ABCA3: variants seen among roughly 807,000 people sequenced by gnomAD.
The protein encoded by ABCA3 is phospholipid-transporting ATPase ABCA3.
A neutral mutation model predicts 172.8 loss-of-function variants in ABCA3; 88 were observed. The observed-to-expected ratio is 0.51, with a 90% CI of 0.43 to 0.61. ABCA3 has a LOEUF of 0.61. Among genes scored for constraint, ABCA3 ranks in the 20% least tolerant of loss-of-function variants. The pLI is 0.00. For missense variants in ABCA3, 2,164 were observed against 2,301.0 expected, an observed-to-expected ratio of 0.94 and a Z score of 1.22; for synonymous variants, 1,066 against 983.8, an observed-to-expected ratio of 1.08 and a Z score of -1.56.
Position 2,295,694 on chromosome 16 carries a change from C to G in ABCA3, c.2310G>C (p.Pro770=), listed in dbSNP as rs376037988. ...MTLVKEPHCN[P]EDISQLVHHH... is the part of the protein sequence containing the mutation. ...GGTGGACCAGCTGGGAGATGTCTTC[C>G]GGGTTGCAGTGCGGCTCCTTCACCA... Residue 770 remains proline (P), a synonymous_variant, in exon 18 of 33, where the codon CCG becomes CCC. Coordinates refer to ENST00000301732, the MANE Select transcript of ABCA3 (RefSeq NM_001089.3). 3.1e-6 allele frequency: 5 copies of G among 1,613,922 alleles called. No homozygotes were observed. In the African/African-American group the frequency reaches 6.7e-5, roughly 22 times the overall value.
intron 19 of ABCA3, 74 bp downstream of exon 19, chr16:2,292,066 T>A: frequency 8.3e-7 from 1 of 1,204,352 alleles, no homozygotes; most frequent in Non-Finnish European, 1.2e-6. Flanking sequence ...AGAGTGAAAC[T>A]CCATCTCAAA....
chr16:2,315,825 G>C (rs2093714439), intron 10 of ABCA3, among the ~76,000 whole-genome samples: 1 of 149,596 alleles, frequency 6.7e-6, no homozygotes, highest in Non-Finnish European at 1.5e-5. Flanking sequence ...CACCACACCT[G>C]GCTAATTTTT....
In ABCA3 at chr16:2,297,215, G is replaced by A; in HGVS notation, c.2263+114C>T. The A allele has an allele frequency of 1.7e-6, 2 of 1,186,844 alleles. No homozygotes were observed. Among genetic ancestry groups the A allele is most frequent in the Admixed American group, 2.0e-5 (1 of 51,180 alleles). The allele number at this position is 1,186,844 out of a possible 1,614,324, so 73.5% of individuals were successfully genotyped here. On this transcript the variant is annotated intron_variant, in intron 17 of 32. Coordinates refer to ENST00000301732, the MANE Select transcript of ABCA3 (RefSeq NM_001089.3). The surrounding 1 kb of genome is among the most constrained non-coding windows in gnomAD (Gnocchi z 5.6). ...TCCACCCAGAGGCAACAGACAGGAA[G>A]TCTAGAAAAGGCCACCCCTGCCTGA...
chr16:2,318,744 C>T (rs1340878621), intron 8 of ABCA3, among the ~76,000 whole-genome samples: 1 of 152,048 alleles, frequency 6.6e-6, no homozygotes, highest in Non-Finnish European at 1.5e-5. Context: ...AACTCCTCAC[C>T]TCAAGTGATC....
chr16:2,314,041 G>A (rs775113669), intron 10 of ABCA3, among the ~76,000 whole-genome samples: 15 of 152,168 alleles, frequency 9.9e-5, no homozygotes, highest in Non-Finnish European at 2.2e-4. Context: ...CTGCTGGTGG[G>A]AATGCGCACC....
At chr16:2,321,580 G>T (rs141196128) in intron 7 of ABCA3, among the ~76,000 whole-genome samples, 7 of 152,094 alleles carry the variant, frequency 4.6e-5, no homozygotes. Flanking sequence ...ACCTGCAGTG[G>T]GGTCTTTCTT....
intron 1 of ABCA3, among the ~76,000 whole-genome samples, chr16:2,336,597 ATTTTTT>A (rs11284766): frequency 3.9e-5 from 4 of 101,324 alleles, no homozygotes; most frequent in African/African-American, 8.4e-5. Context: ...CGCCCAGCTA[ATTTTTT>A]TTTTTTTTTT....
intron 7 of ABCA3, among the ~76,000 whole-genome samples, chr16:2,322,818 C>T (rs980316417): frequency 1.3e-5 from 2 of 151,952 alleles, no homozygotes; most frequent in African/African-American, 4.8e-5. Flanking sequence ...TCTAATTAAA[C>T]TCAAGAGCTT....
In ABCA3 at chr16:2,297,585, CG is replaced by C. The variant is rs763067701; in HGVS notation, c.2053-47del. ...TCGCGACGCTGGTAGAGCCACACCC[CG>C]GGCCCAGGCTGGCCTTGCGGTAGGC... On this transcript the variant is annotated intron_variant, in intron 16 of 32. Coordinates refer to ENST00000301732, the MANE Select transcript of ABCA3 (RefSeq NM_001089.3). This position sits in a 1 kb window ranked among gnomAD's most constrained non-coding sequence, Gnocchi z 5.6. 6.2e-7 allele frequency: 1 copy of C among 1,606,736 alleles called. No individual in the cohort carries two copies. Among genetic ancestry groups the C allele is most frequent in the South Asian group, 1.1e-5 (1 of 90,906 alleles).
Position 2,278,880 on chromosome 16 carries a change from C to G in ABCA3, c.4547+63G>C, listed in dbSNP as rs1261744486. The G allele has an allele frequency of 3.1e-6, 5 of 1,608,480 alleles. No individual in the cohort carries two copies. In the Admixed American group the frequency reaches 8.3e-5, roughly 27 times the overall value. ...CTGACCTGAGCGGTCACTCCCAGCT[C>G]TATGCTATGGGGACCTTGATTCTGA... On this transcript the variant is annotated intron_variant, in intron 29 of 32. Transcript: ENST00000301732. This position sits in a 1 kb window ranked among gnomAD's most constrained non-coding sequence, Gnocchi z 4.4.
chr16:2,297,824 A>G lies in ABCA3; in HGVS notation c.1994T>C (p.Leu665Pro), dbSNP rs1235929160. 1.2e-6 allele frequency: 2 copies of G among 1,613,620 alleles called. No individual in the cohort carries two copies. The highest frequency in any genetic ancestry group is 1.3e-5 in the African/African-American group (1 of 74,946). ...GAGCTTGCGCCTCATGCCCCCGCTC[A>G]GGAAGCGGCTCCGTGAGTTCCACTT... ...EDKWNSRSRF[L>P]SGGMRRKLSI... is the part of the protein sequence containing the mutation. Residue 665 changes from leucine (L) to proline (P), a missense_variant, in exon 16 of 33, where the codon CTG (leucine) becomes CCG (proline). This residue lies in a region of ABCA3 where 1,343 missense variants were observed against 1,369.6 expected (regional missense o/e 0.98). Transcript: ENST00000301732. This position sits in a 1 kb window ranked among gnomAD's most constrained non-coding sequence, Gnocchi z 5.6.
chr16:2,298,849 T>C (rs917342841), intron 14 of ABCA3, among the ~76,000 whole-genome samples: 1 of 152,028 alleles, frequency 6.6e-6, no homozygotes, highest in Non-Finnish European at 1.5e-5. Context: ...GCCAGACACT[T>C]TGGTGCTTGG....
Position 2,308,534 on chromosome 16 carries a change from G to T in ABCA3, c.1201C>A (p.Leu401Met). ...FVAPRYNWMT[L>M]SQKLCSCLLS... ...AGGCAGGAGCAGAGCTTCTGGCTCAGAGTCATCCAGTTGTACCGAGGGGCC... is the reference window on the plus strand; with the variant it reads ...AGGCAGGAGCAGAGCTTCTGGCTCATAGTCATCCAGTTGTACCGAGGGGCC... Residue 401 changes from leucine to methionine, a missense_variant, in exon 11 of 33, where the codon CTG becomes ATG. By Grantham distance (15) the Leu-to-Met change is conservative. Coordinates refer to ENST00000301732, the MANE Select transcript of ABCA3 (RefSeq NM_001089.3). 6.2e-7 allele frequency: 1 copy of T among 1,614,240 alleles called. No individual in the cohort carries two copies. Among genetic ancestry groups the T allele is most frequent in the Non-Finnish European group, 8.5e-7 (1 of 1,180,046 alleles).
chr16:2,301,775 T>C (rs546301261), intron 12 of ABCA3, among the ~76,000 whole-genome samples: 8 of 151,974 alleles, frequency 5.3e-5, no homozygotes, highest in Non-Finnish European at 1.2e-4. Context: ...TAAGTATATG[T>C]TGATGGGCCC....
intron 26 of ABCA3, among the ~76,000 whole-genome samples, chr16:2,282,639 G>T (rs1440825248): frequency 6.7e-6 from 1 of 149,160 alleles, no homozygotes; most frequent in African/African-American, 2.5e-5. Context: ...CCTCTGCTCA[G>T]CAGGACTGGG....
At chr16:2,295,410 A>G (rs2093678134) in intron 18 of ABCA3, among the ~76,000 whole-genome samples, 180 bp downstream of exon 18, 1 of 152,198 alleles carries the variant, frequency 6.6e-6, no homozygotes, top group Non-Finnish European at 1.5e-5. Context: ...GAGGCCTGGC[A>G]CCTAGGACCC....
intron 6 of ABCA3, 60 bp from the exon 7 acceptor site, chr16:2,323,748 A>G: frequency 1.2e-6 from 2 of 1,602,350 alleles, no homozygotes; most frequent in Non-Finnish European, 1.7e-6. Context: ...GGCAAACAAC[A>G]GGGTGGAGTG....
intron 12 of ABCA3, among the ~76,000 whole-genome samples, chr16:2,301,099 TGG>T (rs2093688549): frequency 6.6e-6 from 1 of 151,028 alleles, no homozygotes; most frequent in Non-Finnish European, 1.5e-5. Flanking sequence ...GGCGTGGTGG[TGG>T]GCGCCTATAG....
rs376565433 is a variant in ABCA3, at chr16:2,283,244, G to T, written c.3977C>A (p.Thr1326Asn). The change falls in exon 26 of 33, where the codon ACC (threonine) becomes AAC (asparagine). Residue 1326 changes from threonine to asparagine, a missense_variant. This residue lies in a region of ABCA3 where 795 missense variants were observed against 881.9 expected (regional missense o/e 0.90). Transcript: ENST00000301732. This position sits in a 1 kb window ranked among gnomAD's most constrained non-coding sequence, Gnocchi z 5.4. The part of the protein sequence containing the change: ...AYLILLFLIE[T>N]NLLQRLRGIL... ...GCCCCTGAGTCTCTGAAGCAGGTTG[G>T]TCTCGATGAGGAAGAGCAGGATGAG... The T allele has an allele frequency of 7.4e-5, 120 of 1,613,488 alleles. No individual in the cohort carries two copies. The highest frequency in any genetic ancestry group is 1.7e-4 in the Middle Eastern group (1 of 6,060).
Sources: allele counts gnomAD v4.1 joint callset (sites outside exome capture counted in the v4.1 genomes callset), GRCh38; gene constraint gnomAD v4.1.1; regional missense constraint gnomAD v4.1.1; non-coding constraint Gnocchi (gnomAD v3.1); transcripts MANE v1.5; gene names NCBI Gene and HGNC (gene_info 2026-07-23, HGNC 2026-07-21).